FGF14: variants seen among roughly 807,000 people sequenced by gnomAD.
FGF14 encodes fibroblast growth factor 14, also known as fibroblast growth factor homologous factor 4.
A neutral mutation model predicts 25.5 loss-of-function variants in FGF14; 5 were observed. The ratio of observed to expected loss-of-function variants is 0.20; its 90% CI spans 0.10 to 0.41. FGF14 has a LOEUF of 0.41. Ranked by LOEUF, FGF14 falls within the 10% of genes least tolerant of loss-of-function variation. The probability of loss-of-function intolerance (pLI) is 1.00; values close to 1 mark genes in which losing one functional copy is unlikely to be tolerated. For synonymous variants in FGF14, 138 were observed against 118.3 expected, an observed-to-expected ratio of 1.17 and a Z score of -1.08; for missense variants, 222 against 320.1, an observed-to-expected ratio of 0.69 and a Z score of 2.34.
At chr13:102,187,853 C>T (rs550696027) in intron 1 of FGF14, among the ~76,000 whole-genome samples, 6 of 152,256 alleles carry the variant, frequency 3.9e-5, no homozygotes, top group African/African-American at 1.4e-4. Flanking sequence ...CCCAGGTCTG[C>T]TCACCTGCAC....
chr13:102,060,677 A>G (rs553750550), intron 1 of FGF14, among the ~76,000 whole-genome samples: 1 of 152,332 alleles, frequency 6.6e-6, no homozygotes, highest in African/African-American at 2.4e-5. Flanking sequence ...AAAATCAGTA[A>G]AAATCCTTGA....
intron 3 of FGF14, among the ~76,000 whole-genome samples, chr13:101,845,439 T>C (rs996389252): frequency 6.6e-6 from 1 of 151,904 alleles, no homozygotes; most frequent in African/African-American, 2.4e-5. Context: ...ATATGGCCAT[T>C]TACAAAGGCA....
chr13:101,921,975 A>T (rs188688551), intron 1 of FGF14, among the ~76,000 whole-genome samples: 1 of 152,276 alleles, frequency 6.6e-6, no homozygotes, highest in African/African-American at 2.4e-5. Flanking sequence ...TACTTTCCTT[A>T]TTTATTTGGG....
intron 3 of FGF14, among the ~76,000 whole-genome samples, chr13:101,784,424 C>T (rs551721489): frequency 2.1e-4 from 32 of 152,238 alleles, no homozygotes; most frequent in African/African-American, 7.7e-4. Flanking sequence ...CCACAAGGCT[C>T]CACTTATGAC....
At chr13:101,988,888 G>C (rs1432503643) in intron 1 of FGF14, among the ~76,000 whole-genome samples, 1 of 151,962 alleles carries the variant, frequency 6.6e-6, no homozygotes, top group African/African-American at 2.4e-5. Flanking sequence ...TTTTGTTGTT[G>C]TGGGGTTTCT....
chr13:101,930,141 G>T (rs1321176965), intron 1 of FGF14, among the ~76,000 whole-genome samples: 2 of 152,012 alleles, frequency 1.3e-5, no homozygotes, highest in Non-Finnish European at 2.9e-5. Context: ...TTCCCTTCCT[G>T]TTTTCAAAGA....
chr13:101,932,417 C>T (rs2034812845), intron 1 of FGF14, among the ~76,000 whole-genome samples: 1 of 151,038 alleles, frequency 6.6e-6, no homozygotes, highest in African/African-American at 2.4e-5. Context: ...CCTGTAATCC[C>T]AGCTACTCAG....
At chr13:102,353,795 T>A (rs2057353604) in intron 1 of FGF14, among the ~76,000 whole-genome samples, 1 of 152,188 alleles carries the variant, frequency 6.6e-6, no homozygotes, top group Admixed American at 6.5e-5. Flanking sequence ...TTCCTAACTG[T>A]ATTAGTCTCC....
At chr13:102,072,372 A>G (rs1049338810) in intron 1 of FGF14, among the ~76,000 whole-genome samples, 7 of 152,108 alleles carry the variant, frequency 4.6e-5, no homozygotes, top group Non-Finnish European at 8.8e-5. Context: ...AAGGATACAT[A>G]AATAAATAAA....
At chr13:101,984,323 A>C (rs1236169728) in intron 1 of FGF14, among the ~76,000 whole-genome samples, 3 of 152,178 alleles carry the variant, frequency 2.0e-5, no homozygotes, top group African/African-American at 7.2e-5. Context: ...TAAATTTTCT[A>C]AGAACCGTTT....
At chr13:101,999,932 A>C (rs1275302476) in intron 1 of FGF14, among the ~76,000 whole-genome samples, 2 of 152,152 alleles carry the variant, frequency 1.3e-5, no homozygotes, top group Non-Finnish European at 2.9e-5. Flanking sequence ...AGTTTCTTCA[A>C]AGCTATTCTT....
intron 1 of FGF14, among the ~76,000 whole-genome samples, chr13:102,175,459 A>C (rs1345002783): frequency 6.6e-6 from 1 of 152,164 alleles, no homozygotes; most frequent in Non-Finnish European, 1.5e-5. Context: ...TTAAAGGTTT[A>C]AATGTTAAGA....
intron 1 of FGF14, among the ~76,000 whole-genome samples, chr13:102,133,627 C>CA (rs2046292843): frequency 6.6e-6 from 1 of 152,128 alleles, no homozygotes; most frequent in Admixed American, 6.6e-5. Context: ...TACTAAGTTG[C>CA]AAATCTTTTT....
chr13:101,801,567 G>A (rs566811505), intron 3 of FGF14, among the ~76,000 whole-genome samples: 1 of 152,170 alleles, frequency 6.6e-6, no homozygotes, highest in African/African-American at 2.4e-5. Flanking sequence ...CATGTGCTGA[G>A]ATTTGAGGGT....
chr13:102,318,791 A>AG (rs770755102), intron 1 of FGF14, among the ~76,000 whole-genome samples: 3 of 152,266 alleles, frequency 2.0e-5, no homozygotes, highest in Non-Finnish European at 4.4e-5. Context: ...CATAAATTTG[A>AG]GGGGGGCACG....
At chr13:102,007,179 T>A (rs1392427096) in intron 1 of FGF14, among the ~76,000 whole-genome samples, 1 of 152,236 alleles carries the variant, frequency 6.6e-6, no homozygotes, top group Non-Finnish European at 1.5e-5. Flanking sequence ...TTAATTAGCA[T>A]GGTCCTCTAA....
upstream of FGF14, among the ~76,000 whole-genome samples, chr13:101,919,490 A>G (rs1258717691): frequency 1.3e-5 from 2 of 151,726 alleles, no homozygotes; most frequent in Admixed American, 6.6e-5. Flanking sequence ...CCGTGCCTCT[A>G]TTTTTGCAGG....
chr13:102,004,992 G>T (rs2039705494), intron 1 of FGF14, among the ~76,000 whole-genome samples: 1 of 152,148 alleles, frequency 6.6e-6, no homozygotes, highest in Admixed American at 6.6e-5. Flanking sequence ...CCAGTCATGG[G>T]TATTTCTTCA....
chr13:101,774,763 T>C (rs2038989689), intron 3 of FGF14, among the ~76,000 whole-genome samples: 3 of 151,730 alleles, frequency 2.0e-5, no homozygotes, highest in Non-Finnish European at 1.5e-5. Flanking sequence ...TTAAAAAGGA[T>C]TGGAAAGGGC....
Sources: gnomAD v4.1 joint callset for allele counts (sites outside exome capture counted in the v4.1 genomes callset) on GRCh38, gnomAD v4.1.1 for gene constraint, MANE v1.5 for transcripts, NCBI Gene and HGNC (gene_info 2026-07-23, HGNC 2026-07-21) for gene names.